Variants in AAK1 observed in about 807,000 individuals in gnomAD.
AAK1 encodes AP2-associated protein kinase 1.
In AAK1, 37 loss-of-function variants were observed where a neutral mutation model predicts 116.0. That is an observed-to-expected ratio of 0.32 (90% CI 0.25 to 0.42). The LOEUF (loss-of-function observed/expected upper bound fraction) is 0.42. Ranked by LOEUF, AAK1 falls within the 10% of genes least tolerant of loss-of-function variation. The pLI is 1.00. For missense variants in AAK1, 919 were observed against 1,170.6 expected, an observed-to-expected ratio of 0.79 and a Z score of 3.14; for synonymous variants, 458 against 439.9, an observed-to-expected ratio of 1.04 and a Z score of -0.51.
intron 14 of AAK1, among the ~76,000 whole-genome samples, chr2:69,507,852 G>A (rs565687009): frequency 3.3e-5 from 5 of 152,020 alleles, no homozygotes; most frequent in South Asian, 2.1e-4. Flanking sequence ...GATTACAGGC[G>A]CATGCCACCA....
rs1194683551 is a variant in AAK1 at position 69,466,818 on chromosome 2, T to C, written c.*9051A>G. Reference sequence around the variant, plus strand: ...TAGGCACACAGACATTCAGCGTAACTATGCAATGCTCCTACACACAGGGCC... The same window carrying C: ...TAGGCACACAGACATTCAGCGTAACCATGCAATGCTCCTACACACAGGGCC... On this transcript the variant is annotated 3_prime_UTR_variant, in exon 22 of 22. Transcript: ENST00000409085. The C allele has an allele frequency of 1.0e-6, 1 of 985,278 alleles. No homozygotes were observed. The highest frequency in any genetic ancestry group is 1.7e-5 in the African/African-American group (1 of 57,200). The allele number at this position is 985,278 out of a possible 1,614,324, so 61.0% of individuals were successfully genotyped here.
At position 69,467,150 on chromosome 2, in the gene AAK1, C is replaced by A; in HGVS notation, c.*8719G>T. ...GAAGGTACCTTCTGAGGGGAGCATACAGCATCAAAATCAGACCAAATAAAT... is the reference window on the plus strand; with the variant it reads ...GAAGGTACCTTCTGAGGGGAGCATAAAGCATCAAAATCAGACCAAATAAAT... On this transcript the variant is annotated 3_prime_UTR_variant, in exon 22 of 22. Coordinates refer to ENST00000409085, the MANE Select transcript of AAK1 (RefSeq NM_014911.5). 2.0e-6 allele frequency: 2 copies of A among 985,410 alleles called. No individual in the cohort carries two copies. The highest frequency in any genetic ancestry group is 2.4e-6 in the Non-Finnish European group (2 of 829,926). The allele number at this position is 985,410 out of a possible 1,614,324, so 61.0% of individuals were successfully genotyped here.
chr2:69,553,790 C>A (rs1403653864), intron 3 of AAK1, among the ~76,000 whole-genome samples: 1 of 150,852 alleles, frequency 6.6e-6, no homozygotes, highest in Non-Finnish European at 1.5e-5. Flanking sequence ...CAAAAAGCTA[C>A]TGAGGCTGGG....
chr2:69,618,780 T>C (rs1674454315), intron 2 of AAK1, among the ~76,000 whole-genome samples: 2 of 152,170 alleles, frequency 1.3e-5, no homozygotes, highest in South Asian at 2.1e-4. Context: ...TTCACGACAC[T>C]GACCTTTGGT....
chr2:69,566,439 A>G (rs1671874462), intron 2 of AAK1, among the ~76,000 whole-genome samples: 1 of 152,038 alleles, frequency 6.6e-6, no homozygotes, highest in Middle Eastern at 3.2e-3. Flanking sequence ...AAGCAGATAG[A>G]ACACCCAGAT....
chr2:69,475,679 A>C lies in AAK1; in HGVS notation c.*190T>G. The C allele has an allele frequency of 4.3e-6, 6 of 1,383,634 alleles. No individual in the cohort carries two copies. The highest frequency in any genetic ancestry group is 5.6e-6 in the Non-Finnish European group (6 of 1,068,888). 85.7% of individuals were successfully genotyped at this position (1,383,634 alleles called of 1,614,324 possible). A position where few individuals can be genotyped will look rare whatever the true frequency, so the allele number is the denominator to read the frequency against. On this transcript the variant is annotated 3_prime_UTR_variant, in exon 22 of 22. Coordinates refer to ENST00000409085, the MANE Select transcript of AAK1 (RefSeq NM_014911.5). ...CTAACAAGGAGGAACTGGCCAAGGA[A>C]TATCTGGAGGGCCAAAGTGATTTTC...
intron 2 of AAK1, among the ~76,000 whole-genome samples, chr2:69,572,789 C>T (rs961817912): frequency 9.2e-5 from 14 of 152,136 alleles, no homozygotes; most frequent in Admixed American, 8.5e-4. Flanking sequence ...ATCTCTCTGT[C>T]GTCCTCTCAC....
At chr2:69,613,243 T>C (rs7561258) in intron 2 of AAK1, among the ~76,000 whole-genome samples, 9,785 of 152,214 alleles carry the variant, frequency 0.064, 885 homozygotes, top group African/African-American at 0.2. Flanking sequence ...AGCACCATGA[T>C]GCAATAAGAA....
chr2:69,603,380 G>A (rs1673663426), intron 2 of AAK1, among the ~76,000 whole-genome samples: 1 of 152,104 alleles, frequency 6.6e-6, no homozygotes, highest in African/African-American at 2.4e-5. Flanking sequence ...ACAGAGGAGA[G>A]AGAGAGAGAG....
chr2:69,472,354 T>A lies in AAK1; in HGVS notation c.*3515A>T. 1 of 222,842 alleles carries A rather than the reference T, an allele frequency of 4.5e-6. No individual in the cohort carries two copies. Among genetic ancestry groups the A allele is most frequent in the Non-Finnish European group, 7.5e-6 (1 of 132,592 alleles). The allele number at this position is 222,842 out of a possible 1,614,324, so 13.8% of individuals were successfully genotyped here. On this transcript the variant is annotated 3_prime_UTR_variant, in exon 22 of 22. Coordinates refer to ENST00000409085, the MANE Select transcript of AAK1 (RefSeq NM_014911.5). ...TCCAGGTGCTTTCTCAAAGTGATACTAATTAAATAATATAGCTGATTTTCT... is the reference window on the plus strand; with the variant it reads ...TCCAGGTGCTTTCTCAAAGTGATACAAATTAAATAATATAGCTGATTTTCT...
intron 2 of AAK1, among the ~76,000 whole-genome samples, chr2:69,612,173 T>C (rs1040768789): frequency 1.3e-5 from 2 of 152,260 alleles, no homozygotes; most frequent in Non-Finnish European, 2.9e-5. Flanking sequence ...TGGGGATTTA[T>C]TAATATATGG....
At chr2:69,528,830 T>G (rs1039187590) in intron 8 of AAK1, among the ~76,000 whole-genome samples, 1 of 152,210 alleles carries the variant, frequency 6.6e-6, no homozygotes, top group Non-Finnish European at 1.5e-5. Flanking sequence ...GTTTTAAAAA[T>G]TATCAAAAAA....
chr2:69,489,193 G>C (rs112499795), intron 17 of AAK1, among the ~76,000 whole-genome samples: 1,960 of 151,512 alleles, frequency 0.013, 48 homozygotes, highest in African/African-American at 0.044. Flanking sequence ...GCTCACCCCT[G>C]TAATCCCAGC....
intron 2 of AAK1, chr2:69,595,053 C>CA: frequency 1.4e-6 from 1 of 732,960 alleles, no homozygotes; most frequent in South Asian, 1.3e-5. Context: ...TAGGAACGTT[C>CA]ACCATGTTTG....
At chr2:69,505,539 C>T in intron 16 of AAK1, 30 bp downstream of exon 16, 2 of 1,586,422 alleles carry the variant, frequency 1.3e-6, no homozygotes, top group African/African-American at 1.3e-5. Context: ...CAACAGTGAA[C>T]CTCCCGTTCC....
intron 16 of AAK1, among the ~76,000 whole-genome samples, chr2:69,497,956 G>A (rs935140890): frequency 1.3e-5 from 2 of 152,076 alleles, no homozygotes; most frequent in Admixed American, 6.5e-5. Context: ...CCTCAGTGCC[G>A]ATGTCACCCA....
At chr2:69,486,605 A>C (rs1265544434) in intron 17 of AAK1, among the ~76,000 whole-genome samples, 1 of 152,180 alleles carries the variant, frequency 6.6e-6, no homozygotes, top group Non-Finnish European at 1.5e-5. Flanking sequence ...CAGGGAAGGA[A>C]GGCTCCCAGT....
At chr2:69,545,667 C>G (rs771419114) in intron 3 of AAK1, among the ~76,000 whole-genome samples, 5 of 152,178 alleles carry the variant, frequency 3.3e-5, no homozygotes, top group Non-Finnish European at 7.4e-5. Flanking sequence ...AGTTAAAACT[C>G]ATTAGAGTCT....
At chr2:69,531,992 T>A (rs1670279307) in intron 6 of AAK1, 49 bp downstream of exon 6, 2 of 1,606,350 alleles carry the variant, frequency 1.2e-6, no homozygotes, top group South Asian at 2.2e-5. Flanking sequence ...GAAGGTAAAG[T>A]TGCTCATCTG....
Sources: gnomAD v4.1 joint callset for allele counts (sites outside exome capture counted in the v4.1 genomes callset) on GRCh38, gnomAD v4.1.1 for gene constraint, MANE v1.5 for transcripts, NCBI Gene and HGNC (gene_info 2026-07-23, HGNC 2026-07-21) for gene names.